The following B4GALT6 variants were observed in gnomAD, a reference collection of about 807,000 sequenced individuals.
B4GALT6 encodes UDP-Gal:beta-GlcNAc beta-1,4-galactosyltransferase 6.
In B4GALT6, 14 loss-of-function variants were observed where a neutral mutation model predicts 46.3. The observed-to-expected ratio is 0.30, with a 90% confidence interval of 0.20 to 0.47. The LOEUF is 0.47. Ranked by LOEUF, B4GALT6 falls within the 20% of genes least tolerant of loss-of-function variation. The pLI is 0.99. For missense variants in B4GALT6, 386 were observed against 480.1 expected, an observed-to-expected ratio of 0.80 and a Z score of 1.83; for synonymous variants, 168 against 162.0, an observed-to-expected ratio of 1.04 and a Z score of -0.28.
the B4GALT6 span, among the ~76,000 whole-genome samples, chr18:31,695,989 GATT>G: frequency 6.6e-6 from 1 of 152,318 alleles, no homozygotes; most frequent in Admixed American, 6.5e-5. Context: ...ATGCCAGAAA[GATT>G]ATATCAAGAA....
the B4GALT6 span, among the ~76,000 whole-genome samples, chr18:31,709,553 ATG>A: frequency 0.062 from 7,810 of 126,452 alleles, 217 homozygotes; most frequent in East Asian, 0.12. Context: ...TAGGATATAT[ATG>A]TGTGTGTGTG....
rs1399806865 is a variant in B4GALT6 at position 31,625,193 on chromosome 18, A to C, written c.*421T>G. The C allele has an allele frequency of 6.4e-6, 1 of 155,412 alleles. No homozygotes were observed. The highest frequency in any genetic ancestry group is 2.4e-5 in the African/African-American group (1 of 41,522). The allele number at this position is 155,412 out of a possible 1,614,324, so 9.6% of individuals were successfully genotyped here. On this transcript the variant is annotated 3_prime_UTR_variant, in exon 9 of 9. Transcript: ENST00000306851. ...AATAAAAAATGTCTATAAAAGTCCA[A>C]TAAAGGTATAACCGATTACATGCAA...
At chr18:31,681,893 C>G (rs533087294) in intron 1 of B4GALT6, among the ~76,000 whole-genome samples, 1 of 152,246 alleles carries the variant, frequency 6.6e-6, no homozygotes, top group Middle Eastern at 3.4e-3. Context: ...CATTTTGCCC[C>G]AAGATGTAAT....
At chr18:31,707,879 A>G in the B4GALT6 span, among the ~76,000 whole-genome samples, 1 of 152,232 alleles carries the variant, frequency 6.6e-6, no homozygotes, top group East Asian at 1.9e-4. Flanking sequence ...TTGCATGTAT[A>G]TGTTATGTGA....
intron 1 of B4GALT6, among the ~76,000 whole-genome samples, chr18:31,670,573 A>C (rs2074339576): frequency 6.6e-6 from 1 of 152,166 alleles, no homozygotes; most frequent in African/African-American, 2.4e-5. Context: ...ACCAAAACCC[A>C]TTAGGGAATG....
chr18:31,627,486 T>C lies in B4GALT6; in HGVS notation c.777-365A>G, dbSNP rs965710332. ...ATAATGGTCAATGCATGTCAGATGT[T>C]CCTAAACTAGTAACACTGAAAAAAT... On this transcript the variant is annotated intron_variant, in intron 6 of 8. Transcript: ENST00000306851. Among the ~76,000 whole-genome samples, 10 of 152,256 alleles carry C rather than the reference T, an allele frequency of 6.6e-5. No homozygotes were observed. In the East Asian group the frequency reaches 1.9e-3, roughly 29 times the overall value.
At chr18:31,626,113 A>G (rs573387513) in intron 8 of B4GALT6, among the ~76,000 whole-genome samples, 170 bp downstream of exon 8, 1 of 152,362 alleles carries the variant, frequency 6.6e-6, no homozygotes, top group African/African-American at 2.4e-5. Flanking sequence ...CTTAAAAACA[A>G]GCATCAAAAA....
intron 6 of B4GALT6, among the ~76,000 whole-genome samples, chr18:31,630,633 A>G (rs554263458): frequency 6.6e-6 from 1 of 152,288 alleles, no homozygotes; most frequent in Non-Finnish European, 1.5e-5. Context: ...TGAACAAGGA[A>G]TACACCTTCA....
At chr18:31,702,345 G>A in the B4GALT6 span, among the ~76,000 whole-genome samples, 2 of 152,292 alleles carry the variant, frequency 1.3e-5, no homozygotes, top group East Asian at 3.9e-4. Flanking sequence ...TATGTTTGCA[G>A]TAAAGTTATA....
chr18:31,707,715 A>G, the B4GALT6 span, among the ~76,000 whole-genome samples: 379 of 152,270 alleles, frequency 2.5e-3, 2 homozygotes, highest in African/African-American at 8.8e-3. Flanking sequence ...TCCCCCCCAC[A>G]TTATGCATGG....
At chr18:31,710,819 C>CACACACACACACACACAT in the B4GALT6 span, among the ~76,000 whole-genome samples, 3 of 149,780 alleles carry the variant, frequency 2.0e-5, no homozygotes, top group Non-Finnish European at 4.4e-5. Context: ...ATACACCACA[C>CACACACACACACACACAT]ACACACACAC....
At chr18:31,652,770 C>A (rs1289334122) in intron 3 of B4GALT6, among the ~76,000 whole-genome samples, 1 of 152,174 alleles carries the variant, frequency 6.6e-6, no homozygotes, top group African/African-American at 2.4e-5. Flanking sequence ...CCTGTAGGTT[C>A]TTTTTTGTGC....
At chr18:31,642,685 T>A (rs2073944165) in intron 4 of B4GALT6, among the ~76,000 whole-genome samples, 1 of 152,212 alleles carries the variant, frequency 6.6e-6, no homozygotes. Context: ...TACCTAGGAA[T>A]TGCTGAAATT....
upstream of B4GALT6, among the ~76,000 whole-genome samples, chr18:31,690,134 TTGTC>T (rs1254098700): frequency 6.6e-6 from 1 of 152,202 alleles, no homozygotes; most frequent in African/African-American, 2.4e-5. Flanking sequence ...AGTTTTTTGT[TTGTC>T]TGTTTTATTG....
At chr18:31,714,548 T>C in the B4GALT6 span, among the ~76,000 whole-genome samples, 1 of 152,278 alleles carries the variant, frequency 6.6e-6, no homozygotes, top group South Asian at 2.1e-4. Flanking sequence ...CTCTGGGACT[T>C]ACAGTCAGGC....
intron 3 of B4GALT6, among the ~76,000 whole-genome samples, chr18:31,656,709 T>C (rs1204534521): frequency 6.6e-6 from 1 of 151,756 alleles, no homozygotes; most frequent in African/African-American, 2.4e-5. Context: ...TTTGAAAAGG[T>C]CATAATTTTA....
intron 6 of B4GALT6, among the ~76,000 whole-genome samples, chr18:31,629,427 T>C (rs1273584835): frequency 6.6e-6 from 1 of 150,702 alleles, no homozygotes; most frequent in South Asian, 2.1e-4. Context: ...TTAGAATTCT[T>C]AGTTTATATG....
chr18:31,662,893 G>A (rs1054787918), intron 2 of B4GALT6, among the ~76,000 whole-genome samples: 1 of 152,122 alleles, frequency 6.6e-6, no homozygotes, highest in African/African-American at 2.4e-5. Context: ...TACAAAAGTT[G>A]TTAGGTGAGC....
At position 31,626,988 on chromosome 18, in the gene B4GALT6, C is replaced by A; in HGVS notation, c.899+11G>T. ...AAATTCTATTAGTGAACAATTTGTACCTCAACATACCTGTTCCAAAGGTCA... is the reference window on the plus strand; with the variant it reads ...AAATTCTATTAGTGAACAATTTGTAACTCAACATACCTGTTCCAAAGGTCA... On this transcript the variant is annotated intron_variant, in intron 7 of 8. Transcript: ENST00000306851. 6.3e-7 allele frequency: 1 copy of A among 1,597,570 alleles called. No individual in the cohort carries two copies. Among genetic ancestry groups the A allele is most frequent in the Non-Finnish European group, 8.5e-7 (1 of 1,174,614 alleles).
Sources: allele counts gnomAD v4.1 joint callset (sites outside exome capture counted in the v4.1 genomes callset), GRCh38; gene constraint gnomAD v4.1.1; transcripts MANE v1.5; gene names NCBI Gene and HGNC (gene_info 2026-07-23, HGNC 2026-07-21).